EDEM2: variants seen among roughly 807,000 people sequenced by gnomAD.
EDEM2 encodes the protein ER degradation-enhancing alpha-mannosidase-like protein 2.
In EDEM2, 39 loss-of-function variants were observed where a neutral mutation model predicts 64.8. The observed-to-expected ratio is 0.60, with a 90% CI of 0.47 to 0.79. The LOEUF (loss-of-function observed/expected upper bound fraction) is 0.79, where lower values mean the gene tolerates loss of function less well. EDEM2 is among the 30% of genes least tolerant of loss of function. EDEM2 has a pLI of 0.00. For synonymous variants in EDEM2, 296 were observed against 291.5 expected (o/e 1.02, Z -0.16); for missense variants, 609 against 731.3 (o/e 0.83, Z 1.93).
intron 10 of EDEM2, among the ~76,000 whole-genome samples, chr20:35,116,442 C>T (rs192278517): frequency 1.3e-5 from 2 of 152,336 alleles, no homozygotes; most frequent in Non-Finnish European, 2.9e-5. Flanking sequence ...CCTCTTACCA[C>T]TCTAAGAGCT....
chr20:35,123,318 C>T (rs941433954), intron 9 of EDEM2, among the ~76,000 whole-genome samples: 7 of 152,164 alleles, frequency 4.6e-5, no homozygotes, highest in Non-Finnish European at 8.8e-5. Context: ...TGGGGCCAGT[C>T]GCAGTGGCTC....
chr20:35,120,834 T>C (rs2065111), intron 9 of EDEM2, among the ~76,000 whole-genome samples: 78,579 of 152,048 alleles, frequency 0.52, 22,766 homozygotes, highest in Admixed American at 0.68. Flanking sequence ...CTGACCTCAG[T>C]TGATCCACCG....
At chr20:35,125,075 C>A (rs1479022630) in intron 8 of EDEM2, among the ~76,000 whole-genome samples, 1 of 152,228 alleles carries the variant, frequency 6.6e-6, no homozygotes, top group East Asian at 1.9e-4. Context: ...AAACTTGGCA[C>A]TTCCTAAACA....
chr20:35,120,851 C>A (rs1026986949), intron 9 of EDEM2, among the ~76,000 whole-genome samples: 1 of 152,152 alleles, frequency 6.6e-6, no homozygotes, highest in Non-Finnish European at 1.5e-5. Context: ...ACCGCCTTGG[C>A]CTCCCAAAGT....
intron 6 of EDEM2, among the ~76,000 whole-genome samples, chr20:35,132,208 C>T (rs2085514684): frequency 6.6e-6 from 1 of 152,044 alleles, no homozygotes; most frequent in Admixed American, 6.6e-5. Context: ...AGAACATCCA[C>T]CAAGAAGCTG....
Position 35,115,561 on chromosome 20 carries a change from G to T in EDEM2, c.1609C>A (p.Pro537Thr), listed in dbSNP as rs779467194. 5.0e-6 allele frequency: 8 copies of T among 1,614,014 alleles called. No homozygotes were observed. The highest frequency in any genetic ancestry group is 6.8e-6 in the Non-Finnish European group (8 of 1,180,042). The change falls in exon 11 of 11, where the codon CCA becomes ACA. Residue 537 changes from proline (P) to threonine (T), a missense_variant. By Grantham distance (38) the Pro-to-Thr change is conservative. Coordinates refer to ENST00000374492, the MANE Select transcript of EDEM2 (RefSeq NM_018217.3). The part of the protein sequence containing the change: ...PPARPGTLFS[P>T]ENHDQARERK... ...TCCCTTGCCTGGTCATGGTTTTCTG[G>T]TGAGAAGAGTGTTCCTGGCCTTGCT...
chr20:35,127,039 T>C (rs996777911), intron 7 of EDEM2, among the ~76,000 whole-genome samples: 1 of 152,188 alleles, frequency 6.6e-6, no homozygotes, highest in African/African-American at 2.4e-5. Context: ...AATTGAATCA[T>C]GGGGGCCGTT....
chr20:35,136,630 G>A (rs1209493099), intron 5 of EDEM2, among the ~76,000 whole-genome samples: 2 of 151,918 alleles, frequency 1.3e-5, no homozygotes, highest in African/African-American at 4.8e-5. Flanking sequence ...GCATCTGCCT[G>A]TAATCCCAGC....
chr20:35,137,868 T>C lies in EDEM2; in HGVS notation c.490+12A>G, dbSNP rs1291853029. On this transcript the variant is annotated intron_variant, in intron 5 of 10. Transcript: ENST00000374492. ...GGACTTCGTCTCTGCCCCATCTCTG[T>C]GTGGGTCTTACCTGGGAGGAGTTTT... 5 of 1,613,668 alleles carry C rather than the reference T, an allele frequency of 3.1e-6. No individual in the cohort carries two copies. Among genetic ancestry groups the C allele is most frequent in the Non-Finnish European group, 4.2e-6 (5 of 1,179,740 alleles).
At position 35,131,715 on chromosome 20, in the gene EDEM2, C is replaced by T; in HGVS notation, c.771G>A (p.Val257=). ...VAQDAGIGAG[V]DSYFEYLVKG... is the part of the protein sequence containing the mutation. ...TCACCAAGTACTCAAAGTAGGAGTC[C>T]ACGCCAGCCCCGATGCCTGCGTCCT... Residue 257 remains valine, a synonymous_variant, in exon 7 of 11, where the codon GTG becomes GTA. Transcript: ENST00000374492. 6.2e-7 allele frequency: 1 copy of T among 1,614,146 alleles called. No individual in the cohort carries two copies. Among genetic ancestry groups the T allele is most frequent in the Non-Finnish European group, 8.5e-7 (1 of 1,180,024 alleles).
At chr20:35,140,791 G>A (rs141635190) in intron 4 of EDEM2, among the ~76,000 whole-genome samples, 1 of 152,106 alleles carries the variant, frequency 6.6e-6, no homozygotes, top group East Asian at 1.9e-4. Flanking sequence ...ATCTAAAGAA[G>A]GCATGAAAAA....
At chr20:35,124,431 C>T (rs978137967) in intron 8 of EDEM2, among the ~76,000 whole-genome samples, 1 of 152,154 alleles carries the variant, frequency 6.6e-6, no homozygotes, top group Non-Finnish European at 1.5e-5. Context: ...GACAGGGTCT[C>T]GCTCTGTCAC....
intron 5 of EDEM2, among the ~76,000 whole-genome samples, chr20:35,136,530 A>G (rs1175655741): frequency 6.6e-6 from 1 of 152,046 alleles, no homozygotes; most frequent in Non-Finnish European, 1.5e-5. Context: ...TCCAAGGCAG[A>G]TGGATCACTT....
chr20:35,137,684 C>T (rs548842014), intron 5 of EDEM2, among the ~76,000 whole-genome samples, 196 bp downstream of exon 5: 8 of 152,336 alleles, frequency 5.3e-5, no homozygotes, highest in South Asian at 4.1e-4. Context: ...CTCATCCATC[C>T]GGGTCAGGGC....
chr20:35,139,628 C>T (rs7353271), intron 4 of EDEM2, among the ~76,000 whole-genome samples: 20,886 of 143,188 alleles, frequency 0.15, 1,632 homozygotes, highest in Middle Eastern at 0.25. Context: ...CCAGCCTGGG[C>T]GACAGAGCGA....
intron 4 of EDEM2, among the ~76,000 whole-genome samples, chr20:35,140,259 G>A (rs2085634536): frequency 6.6e-6 from 1 of 152,174 alleles, no homozygotes; most frequent in African/African-American, 2.4e-5. Flanking sequence ...CAAAGCAGGT[G>A]GATCACTCAA....
intron 10 of EDEM2, among the ~76,000 whole-genome samples, chr20:35,116,481 G>A (rs1050746227): frequency 2.0e-5 from 3 of 152,160 alleles, no homozygotes; most frequent in Non-Finnish European, 2.9e-5. Flanking sequence ...TCCTGAGCTA[G>A]CACAGCACCC....
chr20:35,115,558 C>G lies in EDEM2; in HGVS notation c.1612G>C (p.Glu538Gln), dbSNP rs755492283. Reference sequence around the variant, plus strand: ...CTCTCCCTTGCCTGGTCATGGTTTTCTGGTGAGAAGAGTGTTCCTGGCCTT... The same window carrying G: ...CTCTCCCTTGCCTGGTCATGGTTTTGTGGTGAGAAGAGTGTTCCTGGCCTT... ...PARPGTLFSPENHDQARERKP... is the reference protein window; with the variant it reads ...PARPGTLFSPQNHDQARERKP... The change falls in exon 11 of 11, where the codon GAA becomes CAA. Residue 538 changes from glutamate (E) to glutamine (Q), a missense_variant. Transcript: ENST00000374492. 3 of 1,614,114 alleles carry G rather than the reference C, an allele frequency of 1.9e-6. No individual in the cohort carries two copies. The highest frequency in any genetic ancestry group is 8.5e-7 in the Non-Finnish European group (1 of 1,180,006).
Position 35,142,234 on chromosome 20 carries a change from A to T in EDEM2, c.364+139T>A, listed in dbSNP as rs866084086. 22 of 668,466 alleles carry T rather than the reference A, an allele frequency of 3.3e-5. No individual in the cohort carries two copies. The South Asian group carries it at 3.9e-4, about 12-fold the overall frequency. 41.4% of individuals were successfully genotyped at this position (668,466 alleles called of 1,614,324 possible). A position where few individuals can be genotyped will look rare whatever the true frequency, so the allele number is the denominator to read the frequency against. ...TCCCCACCTCACCCTCCAGGAGGGAAGAAGAGCTCTGTCGGTCAGAGGTTT... is the reference window on the plus strand; with the variant it reads ...TCCCCACCTCACCCTCCAGGAGGGATGAAGAGCTCTGTCGGTCAGAGGTTT... On this transcript the variant is annotated intron_variant, in intron 4 of 10. Coordinates refer to ENST00000374492, the MANE Select transcript of EDEM2 (RefSeq NM_018217.3).
Sources: gnomAD v4.1 joint callset for allele counts (sites outside exome capture counted in the v4.1 genomes callset) on GRCh38, gnomAD v4.1.1 for gene constraint, MANE v1.5 for transcripts, NCBI Gene and HGNC (gene_info 2026-07-23, HGNC 2026-07-21) for gene names.